Variants in ACO1 observed in about 807,000 individuals in gnomAD.
ACO1 encodes aconitase 1.
Under a neutral mutation model 105.1 loss-of-function variants are expected in ACO1, and 78 were observed. The observed-to-expected ratio is 0.74, with a 90% CI of 0.62 to 0.90. The LOEUF (loss-of-function observed/expected upper bound fraction) is 0.90. Ranked by LOEUF, ACO1 falls within the 40% of genes least tolerant of loss-of-function variation. ACO1 has a pLI of 0.00. For missense variants in ACO1, 965 were observed against 1,111.1 expected (o/e 0.87, Z 1.87); for synonymous variants, 364 against 397.4 (o/e 0.92, Z 1.00).
At chr9:32,442,973 C>T (rs1257582113) in intron 19 of ACO1, among the ~76,000 whole-genome samples, 1 of 152,104 alleles carries the variant, frequency 6.6e-6, no homozygotes, top group Non-Finnish European at 1.5e-5. Context: ...TTATTTATCA[C>T]TAGAGGATAA....
intron 4 of ACO1, among the ~76,000 whole-genome samples, chr9:32,416,893 T>C (rs1312912965): frequency 6.6e-6 from 1 of 152,174 alleles, no homozygotes; most frequent in Non-Finnish European, 1.5e-5. Context: ...AGTATTTACA[T>C]GAGGGGTTGT....
chr9:32,449,117 A>G, intron 20 of ACO1, 36 bp downstream of exon 20: 1 of 1,549,512 alleles, frequency 6.5e-7, no homozygotes, highest in Non-Finnish European at 8.7e-7. Context: ...GCCCTGTCGA[A>G]AGGGGCCCCC....
chr9:32,411,736 A>G (rs909610700), intron 4 of ACO1, among the ~76,000 whole-genome samples: 1 of 152,228 alleles, frequency 6.6e-6, no homozygotes, highest in African/African-American at 2.4e-5. Context: ...AAGGTGTTAT[A>G]AGGGAGACAC....
At position 32,451,187 on chromosome 9, in the gene ACO1, A is replaced by T. The variant is rs1032170881; in HGVS notation, c.*1076A>T. Reference sequence around the variant, plus strand: ...TAGTTTGCTTGGGTTGCTATAATGTAATGCCATAGACTGGCTGAAAGAACA... The same window carrying T: ...TAGTTTGCTTGGGTTGCTATAATGTTATGCCATAGACTGGCTGAAAGAACA... On this transcript the variant is annotated 3_prime_UTR_variant, in exon 21 of 21. Transcript: ENST00000309951. The T allele has an allele frequency of 1.3e-5, 2 of 152,134 alleles. No individual in the cohort carries two copies. Among genetic ancestry groups the T allele is most frequent in the African/African-American group, 4.8e-5 (2 of 41,418 alleles). 9.4% of individuals were successfully genotyped at this position (152,134 alleles called of 1,614,324 possible).
chr9:32,399,772 A>G (rs1821448815), intron 1 of ACO1, among the ~76,000 whole-genome samples: 1 of 151,934 alleles, frequency 6.6e-6, no homozygotes, highest in African/African-American at 2.4e-5. Flanking sequence ...GTTGAGTGAA[A>G]AAAAGCAATT....
At chr9:32,400,503 A>C (rs1821472693) in intron 1 of ACO1, among the ~76,000 whole-genome samples, 2 of 152,186 alleles carry the variant, frequency 1.3e-5, no homozygotes, top group Admixed American at 6.5e-5. Context: ...TCTGTTGGTG[A>C]ATATCAAAGG....
chr9:32,432,405 G>C (rs1002043489), intron 15 of ACO1, among the ~76,000 whole-genome samples: 14 of 152,244 alleles, frequency 9.2e-5, no homozygotes, highest in African/African-American at 3.4e-4. Flanking sequence ...CTGACCCAAG[G>C]GCTTCTGACT....
chr9:32,394,895 C>T (rs562199806), intron 1 of ACO1, among the ~76,000 whole-genome samples: 1 of 152,230 alleles, frequency 6.6e-6, no homozygotes, highest in African/African-American at 2.4e-5. Context: ...GGTGAGGTGG[C>T]TGGGTATAGT....
chr9:32,431,595 A>C (rs73477335), intron 14 of ACO1, 124 bp from the exon 15 acceptor site: 1 of 1,011,478 alleles, frequency 9.9e-7, no homozygotes, highest in African/African-American at 1.6e-5. Flanking sequence ...TTCCGTATCC[A>C]GTCATTCAGT....
At chr9:32,410,975 G>T (rs1821725775) in intron 4 of ACO1, among the ~76,000 whole-genome samples, 1 of 152,080 alleles carries the variant, frequency 6.6e-6, no homozygotes, top group South Asian at 2.1e-4. Flanking sequence ...GTTTCTTTTG[G>T]GGTCCAAGCT....
chr9:32,426,078 G>T, intron 11 of ACO1, 81 bp downstream of exon 11: 1 of 1,448,040 alleles, frequency 6.9e-7, no homozygotes, highest in Non-Finnish European at 9.5e-7. Flanking sequence ...GGGCCTTGGC[G>T]GAGTTGTACA....
intron 8 of ACO1, among the ~76,000 whole-genome samples, chr9:32,422,658 G>GT (rs1252143838): frequency 6.6e-6 from 1 of 152,154 alleles, no homozygotes; most frequent in Non-Finnish European, 1.5e-5. Context: ...ATGCAGCATC[G>GT]TGAGTTAAGA....
At position 32,452,953 on chromosome 9, in the gene ACO1, A is replaced by G. The variant is rs1391355599; in HGVS notation, c.*2842A>G. ...TGGGCAATAGAGTGAGACCCTATCA[A>G]TCAATCACCACCCCCCCCCCCCCCA... On this transcript the variant is annotated 3_prime_UTR_variant, in exon 21 of 21. Transcript: ENST00000309951. 1 of 142,008 alleles carries G rather than the reference A, an allele frequency of 7.0e-6. No homozygotes were observed. The highest frequency in any genetic ancestry group is 2.7e-5 in the African/African-American group (1 of 37,426). 8.8% of individuals were successfully genotyped at this position (142,008 alleles called of 1,614,324 possible).
chr9:32,448,976 A>ATATC lies in ACO1; in HGVS notation c.2453_2456dup (p.Pro820SerfsTer4). 2 of 1,614,046 alleles carry ATATC rather than the reference A, an allele frequency of 1.2e-6. No homozygotes were observed. Among genetic ancestry groups the ATATC allele is most frequent in the Non-Finnish European group, 1.7e-6 (2 of 1,179,904 alleles). On this transcript the variant is annotated frameshift_variant, in exon 20 of 21. Transcript: ENST00000309951. LOFTEE classifies it high-confidence loss of function. Reference sequence around the variant, plus strand: ...TTGGGATGGGTGTGATCCCACTTGAATATCTCCCTGGTGAGAATGCAGATG... The same window carrying ATATC: ...TTGGGATGGGTGTGATCCCACTTGAATATCTATCTCCCTGGTGAGAATGCAGATG...
intron 4 of ACO1, among the ~76,000 whole-genome samples, chr9:32,411,324 G>A (rs1821734544): frequency 6.6e-6 from 1 of 152,174 alleles, no homozygotes; most frequent in Non-Finnish European, 1.5e-5. Context: ...ATACAGTGCT[G>A]GAAATTGATT....
intron 8 of ACO1, among the ~76,000 whole-genome samples, chr9:32,422,177 T>G (rs1821990190): frequency 6.6e-6 from 1 of 152,194 alleles, no homozygotes; most frequent in African/African-American, 2.4e-5. Context: ...GTTAGTTGGT[T>G]AGTTCCCGTG....
chr9:32,412,903 G>C (rs1369218106), intron 4 of ACO1, among the ~76,000 whole-genome samples: 1 of 152,108 alleles, frequency 6.6e-6, no homozygotes, highest in Non-Finnish European at 1.5e-5. Flanking sequence ...CCTAGAAGGT[G>C]AAAGTACAGG....
At chr9:32,422,296 T>C (rs1319042819) in intron 8 of ACO1, among the ~76,000 whole-genome samples, 3 of 152,196 alleles carry the variant, frequency 2.0e-5, no homozygotes, top group African/African-American at 7.2e-5. Context: ...TTTCTCATAG[T>C]AAACCCTAAG....
At chr9:32,417,203 T>C (rs1050225846) in intron 4 of ACO1, among the ~76,000 whole-genome samples, 2 of 152,204 alleles carry the variant, frequency 1.3e-5, no homozygotes, top group Non-Finnish European at 2.9e-5. Context: ...TAGTTGCACC[T>C]AACTCAAAGG....
Sources: allele counts gnomAD v4.1 joint callset (sites outside exome capture counted in the v4.1 genomes callset), GRCh38; gene constraint gnomAD v4.1.1; transcripts MANE v1.5; gene names NCBI Gene and HGNC (gene_info 2026-07-23, HGNC 2026-07-21).